Variants in CACNB2 observed in about 807,000 individuals in gnomAD.
CACNB2 encodes the protein voltage-dependent L-type calcium channel subunit beta-2.
In CACNB2, 42 loss-of-function variants were observed where a neutral mutation model predicts 73.3. That is an observed-to-expected ratio of 0.57 (90% CI 0.45 to 0.74). The LOEUF (loss-of-function observed/expected upper bound fraction) is 0.74, where lower values mean the gene tolerates loss of function less well. CACNB2 is among the 30% of genes least tolerant of loss of function. CACNB2 has a pLI of 0.00. For missense variants in CACNB2, 940 were observed against 853.0 expected, an observed-to-expected ratio of 1.10 and a Z score of -1.27; for synonymous variants, 348 against 310.3, an observed-to-expected ratio of 1.12 and a Z score of -1.28.
At chr10:18,257,637 G>T (rs939478137) in intron 2 of CACNB2, among the ~76,000 whole-genome samples, 1 of 152,144 alleles carries the variant, frequency 6.6e-6, no homozygotes. Context: ...CGTCCATTCT[G>T]CAAGGCCAGC....
At chr10:18,532,701 A>C (rs916495861) in intron 10 of CACNB2, among the ~76,000 whole-genome samples, 2 of 58,584 alleles carry the variant, frequency 3.4e-5, no homozygotes, top group African/African-American at 7.3e-5. Context: ...AAAAAACAAA[A>C]CAAAAAAACA....
chr10:18,315,054 A>G (rs931215510), intron 2 of CACNB2, among the ~76,000 whole-genome samples: 5 of 152,164 alleles, frequency 3.3e-5, no homozygotes, highest in African/African-American at 1.2e-4. Flanking sequence ...CAGTGGGACC[A>G]GGCGCCATGG....
chr10:18,240,408 A>G lies in CACNB2; in HGVS notation c.213+89433A>G, dbSNP rs958344225. On this transcript the variant is annotated intron_variant, in intron 2 of 13. Coordinates refer to ENST00000324631, the MANE Select transcript of CACNB2 (RefSeq NM_201596.3). ...GCGTGGTATGTGATGGCGTACTCAA[A>G]ACTAGTCTGGCTCAACTGTACAGTT... Among the ~76,000 whole-genome samples, 6 of 152,128 alleles carry G rather than the reference A, an allele frequency of 3.9e-5. No homozygotes were observed. In the South Asian group the frequency reaches 1.0e-3, roughly 26 times the overall value.
intron 2 of CACNB2, among the ~76,000 whole-genome samples, chr10:18,253,358 A>T (rs987829421): frequency 3.3e-5 from 5 of 152,358 alleles, no homozygotes; most frequent in Non-Finnish European, 5.9e-5. Context: ...ATAAAAATAT[A>T]TGCAGTTCAT....
intron 2 of CACNB2, chr10:18,181,770 A>G (rs1160858038): frequency 6.8e-6 from 1 of 146,634 alleles, no homozygotes; most frequent in East Asian, 2.0e-4. Flanking sequence ...GCATGCAACT[A>G]TATCCTGCTA....
intron 2 of CACNB2, among the ~76,000 whole-genome samples, chr10:18,235,880 C>T (rs1427258529): frequency 1.3e-5 from 2 of 152,098 alleles, no homozygotes; most frequent in East Asian, 3.9e-4. Context: ...GGGATTAGAT[C>T]GTAGGGGCAG....
chr10:18,503,288 T>C (rs1260820926), intron 5 of CACNB2, among the ~76,000 whole-genome samples: 1 of 152,156 alleles, frequency 6.6e-6, no homozygotes, highest in Non-Finnish European at 1.5e-5. Flanking sequence ...GAAAATGGTA[T>C]CATAATACTA....
intron 9 of CACNB2, among the ~76,000 whole-genome samples, chr10:18,523,587 A>G (rs2052143329): frequency 6.6e-6 from 1 of 152,202 alleles, no homozygotes; most frequent in Admixed American, 6.5e-5. Context: ...TGTTCTCCCC[A>G]GTTAACAGTC....
Position 18,506,779 on chromosome 10 carries a change from G to A in CACNB2, c.670+232G>A, listed in dbSNP as rs12772518. ...GTTTACATTGCTGTAGATGATCAAAGTGATTAATGTATTTATTTATTTATT... is the reference window on the plus strand; with the variant it reads ...GTTTACATTGCTGTAGATGATCAAAATGATTAATGTATTTATTTATTTATT... On this transcript the variant is annotated intron_variant, in intron 6 of 13. Transcript: ENST00000324631. Among the ~76,000 whole-genome samples, 2,126 of 152,032 alleles carry A rather than the reference G, an allele frequency of 0.014. 28 individuals carry two copies. The highest frequency in any genetic ancestry group is 0.022 in the Non-Finnish European group (1,524 of 67,998).
chr10:18,239,325 G>T (rs900705507), intron 2 of CACNB2, among the ~76,000 whole-genome samples: 3 of 151,878 alleles, frequency 2.0e-5, no homozygotes, highest in Non-Finnish European at 4.4e-5. Flanking sequence ...CCACCTTTCC[G>T]AGTCTCCAGT....
intron 2 of CACNB2, among the ~76,000 whole-genome samples, chr10:18,313,832 T>C (rs567653139): frequency 1.3e-5 from 2 of 152,224 alleles, no homozygotes; most frequent in Non-Finnish European, 2.9e-5. Flanking sequence ...GCGAAAAACA[T>C]TGTATTCTTC....
chr10:18,487,786 G>T (rs946475818), intron 3 of CACNB2, among the ~76,000 whole-genome samples: 1 of 150,220 alleles, frequency 6.7e-6, no homozygotes, highest in Admixed American at 6.7e-5. Context: ...AGTGAGCCAA[G>T]ATCCTGCCAC....
chr10:18,156,656 C>T (rs748375009), intron 2 of CACNB2, among the ~76,000 whole-genome samples: 1 of 152,120 alleles, frequency 6.6e-6, no homozygotes, highest in Admixed American at 6.5e-5. Context: ...TAAACTAGCT[C>T]ATCTTATACA....
At chr10:18,324,905 A>C (rs1322761324) in intron 2 of CACNB2, among the ~76,000 whole-genome samples, 1 of 152,186 alleles carries the variant, frequency 6.6e-6, no homozygotes, top group Non-Finnish European at 1.5e-5. Flanking sequence ...CAGACACTAT[A>C]CTTAGCACTT....
chr10:18,242,828 CAAA>C (rs10556493), intron 2 of CACNB2, among the ~76,000 whole-genome samples: 142 of 143,576 alleles, frequency 9.9e-4, no homozygotes, highest in South Asian at 3.1e-3. Context: ...ACTAAAAATG[CAAA>C]AAAAAAAAAA....
At chr10:18,175,873 C>A (rs1194097086) in intron 2 of CACNB2, among the ~76,000 whole-genome samples, 1 of 152,226 alleles carries the variant, frequency 6.6e-6, no homozygotes, top group Non-Finnish European at 1.5e-5. Flanking sequence ...GCTGGGATTA[C>A]AGGCATGAGC....
intron 2 of CACNB2, among the ~76,000 whole-genome samples, chr10:18,177,544 A>C (rs1250471593): frequency 6.6e-6 from 1 of 151,052 alleles, no homozygotes; most frequent in African/African-American, 2.4e-5. Flanking sequence ...ACGCCACGGC[A>C]CTCCAGCCTG....
intron 2 of CACNB2, among the ~76,000 whole-genome samples, chr10:18,178,607 A>G (rs1057123499): frequency 2.0e-5 from 3 of 152,168 alleles, no homozygotes; most frequent in African/African-American, 4.8e-5. Context: ...TCTTTTCCCT[A>G]TTTGCTTGTT....
intron 2 of CACNB2, among the ~76,000 whole-genome samples, chr10:18,294,242 T>C (rs1258924353): frequency 6.6e-6 from 1 of 152,224 alleles, no homozygotes; most frequent in African/African-American, 2.4e-5. Flanking sequence ...TTCTTTCTCC[T>C]GTTCATGCCT....
Sources: gnomAD v4.1 joint callset for allele counts (sites outside exome capture counted in the v4.1 genomes callset) on GRCh38, gnomAD v4.1.1 for gene constraint, MANE v1.5 for transcripts, NCBI Gene and HGNC (gene_info 2026-07-23, HGNC 2026-07-21) for gene names.